The following UCK2 variants were observed in gnomAD, a reference collection of about 807,000 sequenced individuals.
UCK2 encodes uridine-cytidine kinase 2, also known as cytidine monophosphokinase 2.
In UCK2, 6 loss-of-function variants were observed where a neutral mutation model predicts 30.8. The ratio of observed to expected loss-of-function variants is 0.19; its 90% CI spans 0.11 to 0.38. UCK2 has a LOEUF of 0.38. Ranked by LOEUF, UCK2 falls within the 10% of genes least tolerant of loss-of-function variation. The probability of loss-of-function intolerance (pLI) is 1.00; values close to 1 mark genes in which losing one functional copy is unlikely to be tolerated. For missense variants in UCK2, 210 were observed against 339.8 expected, an observed-to-expected ratio of 0.62 and a Z score of 3.00; for synonymous variants, 125 against 133.6, an observed-to-expected ratio of 0.94 and a Z score of 0.45.
intron 3 of UCK2, among the ~76,000 whole-genome samples, chr1:165,893,759 A>G (rs1329305194): frequency 1.3e-5 from 2 of 152,174 alleles, no homozygotes; most frequent in African/African-American, 2.4e-5. Flanking sequence ...GTTGTTTTTT[A>G]AAAACTCTGA....
In UCK2 at chr1:165,909,066, A is replaced by C. The variant is rs927011487; in HGVS notation, c.*1243A>C. 3.9e-5 allele frequency: 6 copies of C among 152,232 alleles called. No homozygotes were observed. The highest frequency in any genetic ancestry group is 1.4e-4 in the African/African-American group (6 of 41,456). The allele number at this position is 152,232 out of a possible 1,614,324, so 9.4% of individuals were successfully genotyped here. On this transcript the variant is annotated 3_prime_UTR_variant, in exon 7 of 7. Coordinates refer to ENST00000367879, the MANE Select transcript of UCK2 (RefSeq NM_012474.5). ...GGGGCTCGGAAAAGCAGTTTTTACA[A>C]AGTATTTAAAAGGAGAGTATTTAAA...
intron 1 of UCK2, among the ~76,000 whole-genome samples, chr1:165,859,901 A>C (rs1265150648): frequency 6.6e-6 from 1 of 151,978 alleles, no homozygotes; most frequent in Non-Finnish European, 1.5e-5. Context: ...TCCCCTGCCC[A>C]CCTTGTCCAC....
chr1:165,865,947 C>T (rs959060369), intron 1 of UCK2, among the ~76,000 whole-genome samples: 8 of 152,174 alleles, frequency 5.3e-5, no homozygotes, highest in Non-Finnish European at 7.3e-5. Flanking sequence ...AGATCTGATC[C>T]GCTTTCCCAA....
chr1:165,829,244 C>A (rs1384230699), intron 1 of UCK2, among the ~76,000 whole-genome samples: 1 of 152,108 alleles, frequency 6.6e-6, no homozygotes. Context: ...TCTGTGTGCT[C>A]CCTGGTTGAA....
At chr1:165,902,592 A>AATT (rs1647513972) in intron 4 of UCK2, 1 of 45,758 alleles carries the variant, frequency 2.2e-5, no homozygotes, top group African/African-American at 8.2e-5. Context: ...TCACTGAGTG[A>AATT]TTTTTTTTTT....
intron 1 of UCK2, among the ~76,000 whole-genome samples, chr1:165,857,806 A>C (rs188707650): frequency 6.6e-6 from 1 of 151,762 alleles, no homozygotes; most frequent in Non-Finnish European, 1.5e-5. Context: ...ATTCTACCCT[A>C]CTCCTGTTGG....
At chr1:165,888,621 T>C (rs1655682232) in intron 1 of UCK2, among the ~76,000 whole-genome samples, 1 of 151,042 alleles carries the variant, frequency 6.6e-6, no homozygotes, top group Admixed American at 6.6e-5. Context: ...ATTTATTCGG[T>C]TGACCAGTTT....
intron 1 of UCK2, among the ~76,000 whole-genome samples, chr1:165,887,137 T>C (rs1050500476): frequency 6.6e-6 from 1 of 152,164 alleles, no homozygotes; most frequent in African/African-American, 2.4e-5. Context: ...CTTCTAAAGG[T>C]GGTCATAATG....
At position 165,890,375 on chromosome 1, in the gene UCK2, A is replaced by T; in HGVS notation, c.259+12A>T. On this transcript the variant is annotated intron_variant, in intron 2 of 6. Transcript: ENST00000367879. ...CTTTGACCACCCGGGTGAGTCGGGCATTGAAGGGGGTATGTATCTGTATTG... is the reference window on the plus strand; with the variant it reads ...CTTTGACCACCCGGGTGAGTCGGGCTTTGAAGGGGGTATGTATCTGTATTG... 6.2e-7 allele frequency: 1 copy of T among 1,613,208 alleles called. No homozygotes were observed. Among genetic ancestry groups the T allele is most frequent in the African/African-American group, 1.3e-5 (1 of 74,762 alleles).
intron 1 of UCK2, among the ~76,000 whole-genome samples, chr1:165,835,359 GTTATTA>G (rs142162324): frequency 6.0e-5 from 9 of 150,406 alleles, no homozygotes; most frequent in East Asian, 1.9e-4. Context: ...TTTAAAATTA[GTTATTA>G]TTATTATTAT....
chr1:165,862,568 C>T (rs1402419426), intron 1 of UCK2, among the ~76,000 whole-genome samples: 1 of 152,198 alleles, frequency 6.6e-6, no homozygotes, highest in Non-Finnish European at 1.5e-5. Flanking sequence ...CCTTAAGGAA[C>T]AGTGAGTGAA....
intron 1 of UCK2, among the ~76,000 whole-genome samples, chr1:165,886,130 T>G (rs12745373): frequency 6.6e-6 from 1 of 152,218 alleles, no homozygotes; most frequent in African/African-American, 2.4e-5. Flanking sequence ...CTTTGCATAG[T>G]GAAATCCTAT....
chr1:165,872,573 A>T (rs1414742086), intron 1 of UCK2, among the ~76,000 whole-genome samples: 1 of 152,230 alleles, frequency 6.6e-6, no homozygotes, highest in African/African-American at 2.4e-5. Context: ...CACTACTGGA[A>T]ATCTATTCTA....
Position 165,906,051 on chromosome 1 carries a change from A to G in UCK2, c.646+82A>G, listed in dbSNP as rs534224229. Reference sequence around the variant, plus strand: ...ATTTGGGGCAGGATGTGGTGACCCTACAGGGCTCTGCAGACATGGCTGCCC... The same window carrying G: ...ATTTGGGGCAGGATGTGGTGACCCTGCAGGGCTCTGCAGACATGGCTGCCC... On this transcript the variant is annotated intron_variant, in intron 6 of 6. Transcript: ENST00000367879. The G allele has an allele frequency of 2.2e-5, 30 of 1,364,042 alleles. No individual in the cohort carries two copies. In the East Asian group the frequency reaches 6.0e-4, roughly 27 times the overall value. The allele number at this position is 1,364,042 out of a possible 1,614,324, so 84.5% of individuals were successfully genotyped here.
At chr1:165,883,195 G>A (rs922549483) in intron 1 of UCK2, among the ~76,000 whole-genome samples, 2 of 152,138 alleles carry the variant, frequency 1.3e-5, no homozygotes, top group African/African-American at 4.8e-5. Flanking sequence ...TAGAATGATA[G>A]CAGTGCTGCA....
intron 3 of UCK2, chr1:165,891,588 T>C (rs1229805056): frequency 1.6e-5 from 6 of 380,960 alleles, no homozygotes; most frequent in Non-Finnish European, 2.4e-5. Flanking sequence ...TGATTTCAGC[T>C]TGAGGGACTG....
At position 165,911,490 on chromosome 1, in the gene UCK2, T is replaced by C. The variant is rs968805884; in HGVS notation, c.*3667T>C. On this transcript the variant is annotated 3_prime_UTR_variant, in exon 7 of 7. Coordinates refer to ENST00000367879, the MANE Select transcript of UCK2 (RefSeq NM_012474.5). ...TGAGTAGCTAAATACAGACTTAGGC[T>C]TTTTTTTCCCCCCTTTTAAGATGCT... 1 of 151,820 alleles carries C rather than the reference T, an allele frequency of 6.6e-6. No homozygotes were observed. The highest frequency in any genetic ancestry group is 2.4e-5 in the African/African-American group (1 of 41,254). 9.4% of individuals were successfully genotyped at this position (151,820 alleles called of 1,614,324 possible). A position where few individuals can be genotyped will look rare whatever the true frequency, so the allele number is the denominator to read the frequency against.
intron 1 of UCK2, among the ~76,000 whole-genome samples, chr1:165,830,644 C>G (rs1157857671): frequency 1.3e-5 from 2 of 152,136 alleles, no homozygotes; most frequent in Non-Finnish European, 2.9e-5. Flanking sequence ...TTTGTAGAGA[C>G]TAGGTCACCA....
chr1:165,886,270 G>C lies in UCK2; in HGVS notation c.100-3934G>C, dbSNP rs550017133. Among the ~76,000 whole-genome samples, 392 of 152,098 alleles carry C rather than the reference G, an allele frequency of 2.6e-3. 1 individual carries two copies. The highest frequency in any genetic ancestry group is 9.2e-3 in the African/African-American group (383 of 41,494). On this transcript the variant is annotated intron_variant, in intron 1 of 6. Transcript: ENST00000367879. ...CCTTCTCAAACCCTGGTTATTGGTG[G>C]ATTATTTCTCTTTCTTTTCTTTTTT...
Sources: gnomAD v4.1 joint callset for allele counts (sites outside exome capture counted in the v4.1 genomes callset) on GRCh38, gnomAD v4.1.1 for gene constraint, MANE v1.5 for transcripts, NCBI Gene and HGNC (gene_info 2026-07-23, HGNC 2026-07-21) for gene names.